Variants in FAM13A observed in about 807,000 individuals in gnomAD.
The protein encoded by FAM13A is protein FAM13A.
Under a neutral mutation model 129.6 loss-of-function variants are expected in FAM13A, and 76 were observed. That is an observed-to-expected ratio of 0.59 (90% CI 0.49 to 0.71). The LOEUF (loss-of-function observed/expected upper bound fraction) is 0.71. FAM13A is among the 30% of genes least tolerant of loss of function. FAM13A has a pLI of 0.00. For missense variants in FAM13A, 1,108 were observed against 1,249.3 expected (o/e 0.89, Z 1.70); for synonymous variants, 443 against 449.9 (o/e 0.98, Z 0.20).
At chr4:88,966,427 T>G (rs1759361015) in intron 4 of FAM13A, among the ~76,000 whole-genome samples, 1 of 152,162 alleles carries the variant, frequency 6.6e-6, no homozygotes, top group African/African-American at 2.4e-5. Flanking sequence ...AAATTGAAGT[T>G]TCACCTGTCC....
intron 6 of FAM13A, among the ~76,000 whole-genome samples, chr4:88,876,160 A>G (rs1742421721): frequency 6.6e-6 from 1 of 152,096 alleles, no homozygotes; most frequent in Non-Finnish European, 1.5e-5. Context: ...GGGCTGGGGG[A>G]GGGATAGCAT....
Position 88,726,925 on chromosome 4 carries a change from C to T in FAM13A, c.*1608G>A, listed in dbSNP as rs537772421. Reference sequence around the variant, plus strand: ...ACTTAAAGGCATTCTTTTTCCCCATCCTTAACATTCAGCTGACAGAAGAGA... The same window carrying T: ...ACTTAAAGGCATTCTTTTTCCCCATTCTTAACATTCAGCTGACAGAAGAGA... On this transcript the variant is annotated 3_prime_UTR_variant, in exon 24 of 24. Coordinates refer to ENST00000264344, the MANE Select transcript of FAM13A (RefSeq NM_014883.4). The T allele has an allele frequency of 6.5e-5, 10 of 152,712 alleles. No homozygotes were observed. The highest frequency in any genetic ancestry group is 6.5e-4 in the Admixed American group (10 of 15,306). The allele number at this position is 152,712 out of a possible 1,614,324, so 9.5% of individuals were successfully genotyped here.
intron 5 of FAM13A, among the ~76,000 whole-genome samples, chr4:88,924,154 A>G (rs1005266556): frequency 6.6e-6 from 1 of 152,202 alleles, no homozygotes; most frequent in Non-Finnish European, 1.5e-5. Context: ...CTTCAATGCC[A>G]TCCCCATCAA....
At chr4:88,781,009 A>G (rs1237426913) in intron 11 of FAM13A, among the ~76,000 whole-genome samples, 156 bp downstream of exon 11, 2 of 152,164 alleles carry the variant, frequency 1.3e-5, no homozygotes, top group Non-Finnish European at 2.9e-5. Context: ...TGTATTTATT[A>G]AAAAGAAATA....
At chr4:88,900,838 A>G (rs1375100512) in intron 6 of FAM13A, among the ~76,000 whole-genome samples, 4 of 152,214 alleles carry the variant, frequency 2.6e-5, no homozygotes, top group Non-Finnish European at 4.4e-5. Flanking sequence ...CCCCAATTAA[A>G]TGACACAGAA....
chr4:88,742,440 A>G (rs545978145), intron 19 of FAM13A, among the ~76,000 whole-genome samples: 7 of 152,260 alleles, frequency 4.6e-5, no homozygotes, highest in South Asian at 4.1e-4. Context: ...GAGAGTTAAA[A>G]CTCATGATTC....
chr4:89,052,956 C>A (rs774442550), intron 1 of FAM13A, among the ~76,000 whole-genome samples: 7 of 152,080 alleles, frequency 4.6e-5, no homozygotes, highest in Non-Finnish European at 8.8e-5. Flanking sequence ...AGAAAAGAGA[C>A]TAAAAGTTGT....
At chr4:88,869,590 A>C (rs1741013419) in intron 6 of FAM13A, among the ~76,000 whole-genome samples, 1 of 152,238 alleles carries the variant, frequency 6.6e-6, no homozygotes, top group African/African-American at 2.4e-5. Flanking sequence ...CACCCTTGTT[A>C]TATACTCTCA....
chr4:89,030,753 T>C (rs923944357), intron 1 of FAM13A, among the ~76,000 whole-genome samples: 2 of 152,170 alleles, frequency 1.3e-5, no homozygotes, highest in Non-Finnish European at 2.9e-5. Context: ...TAATTTACAA[T>C]AGATTTATAT....
At chr4:89,035,991 A>G (rs1247892157) in intron 1 of FAM13A, among the ~76,000 whole-genome samples, 1 of 152,208 alleles carries the variant, frequency 6.6e-6, no homozygotes, top group Non-Finnish European at 1.5e-5. Flanking sequence ...ATTTACAGCA[A>G]TGTGAGAACA....
intron 6 of FAM13A, among the ~76,000 whole-genome samples, chr4:88,863,837 A>G (rs1292654839): frequency 6.6e-6 from 1 of 152,194 alleles, no homozygotes; most frequent in Non-Finnish European, 1.5e-5. Flanking sequence ...TCCTGATAAC[A>G]AGATGAATAA....
chr4:89,005,119 A>G (rs1223092662), intron 3 of FAM13A, among the ~76,000 whole-genome samples: 5 of 152,052 alleles, frequency 3.3e-5, no homozygotes, highest in South Asian at 2.1e-4. Context: ...CTTTGTGTTC[A>G]TAAGTTCTTA....
At chr4:88,815,994 A>C (rs886358175) in intron 7 of FAM13A, among the ~76,000 whole-genome samples, 1 of 152,044 alleles carries the variant, frequency 6.6e-6, no homozygotes, top group African/African-American at 2.4e-5. Context: ...TCTAAAAAAA[A>C]AAAAGAAAGG....
chr4:88,957,181 C>G (rs1202671315), intron 4 of FAM13A, among the ~76,000 whole-genome samples: 18 of 152,138 alleles, frequency 1.2e-4, no homozygotes, highest in Admixed American at 1.2e-3. Flanking sequence ...TGAAAATTAG[C>G]TGGGCATGGA....
chr4:89,038,163 T>C (rs17014963), intron 1 of FAM13A, among the ~76,000 whole-genome samples: 3,446 of 152,346 alleles, frequency 0.023, 115 homozygotes, highest in African/African-American at 0.076. Flanking sequence ...ATTACCTGTA[T>C]GCAGCTCTGT....
chr4:89,014,736 C>G (rs1766230830), intron 3 of FAM13A, among the ~76,000 whole-genome samples: 1 of 152,210 alleles, frequency 6.6e-6, no homozygotes, highest in Non-Finnish European at 1.5e-5. Flanking sequence ...TTACTTTAAT[C>G]TCTTAATCCT....
chr4:88,728,768 G>A, intron 23 of FAM13A, 109 bp from the exon 24 acceptor site: 1 of 1,318,390 alleles, frequency 7.6e-7, no homozygotes, highest in South Asian at 1.3e-5. Context: ...TTATCAACTT[G>A]TAGAATCAGT....
chr4:88,749,411 C>T (rs1226219175), intron 16 of FAM13A, among the ~76,000 whole-genome samples: 2 of 151,812 alleles, frequency 1.3e-5, no homozygotes, highest in African/African-American at 4.9e-5. Context: ...TCTTGTGGTA[C>T]AGAGCTGACA....
At chr4:89,034,554 C>A (rs1769114318) in intron 1 of FAM13A, among the ~76,000 whole-genome samples, 1 of 152,122 alleles carries the variant, frequency 6.6e-6, no homozygotes, top group Admixed American at 6.5e-5. Context: ...ACCATTTAAC[C>A]CAGAGATCCT....
Sources: gnomAD v4.1 joint callset for allele counts (sites outside exome capture counted in the v4.1 genomes callset) on GRCh38, gnomAD v4.1.1 for gene constraint, MANE v1.5 for transcripts, NCBI Gene and HGNC (gene_info 2026-07-23, HGNC 2026-07-21) for gene names.